The following NEFH variants were observed in gnomAD, a reference collection of about 807,000 sequenced individuals.
The protein encoded by NEFH is neurofilament heavy polypeptide.
In NEFH, 58 loss-of-function variants were observed where a neutral mutation model predicts 56.6. The ratio of observed to expected loss-of-function variants is 1.03; its 90% confidence interval spans 0.83 to 1.28. The LOEUF (loss-of-function observed/expected upper bound fraction) is 1.28, where lower values mean the gene tolerates loss of function less well. Among genes scored for constraint, NEFH ranks in the 50% most tolerant of loss-of-function variants. The pLI, the probability that NEFH is intolerant of heterozygous loss-of-function variation, is 0.00. For synonymous variants in NEFH, 542 were observed against 545.8 expected (o/e 0.99, Z 0.10); for missense variants, 1,221 against 1,307.6 (o/e 0.93, Z 1.02).
Position 29,481,019 on chromosome 22 carries a change from G to C in NEFH, c.757G>C (p.Ala253Pro), listed in dbSNP as rs1416951453. 6.5e-7 allele frequency: 1 copy of C among 1,531,792 alleles called. No individual in the cohort carries two copies. Among genetic ancestry groups the C allele is most frequent in the Non-Finnish European group, 8.7e-7 (1 of 1,145,472 alleles). 94.9% of individuals were successfully genotyped at this position (1,531,792 alleles called of 1,614,324 possible). Residue 253 changes from alanine to proline, a missense_variant, in exon 1 of 4, where the codon GCG (alanine) becomes CCG (proline). By Grantham distance (27) the Ala-to-Pro change is conservative. Coordinates refer to ENST00000310624, the MANE Select transcript of NEFH (RefSeq NM_021076.4). ...GATCCAGGGCTCCGGCGCCGCGCAG[G>C]CGCAGATGCAGGCCGAGACGCGCGA... ...GQIQGSGAAQ[A>P]QMQAETRDAL...
chr22:29,484,006 C>T (rs997037718), intron 2 of NEFH, among the ~76,000 whole-genome samples: 3 of 151,954 alleles, frequency 2.0e-5, no homozygotes, highest in Non-Finnish European at 2.9e-5. Flanking sequence ...CATGCCACCA[C>T]ACCTGGCTAA....
rs760693353 is a variant in NEFH at position 29,490,509 on chromosome 22, A to G, written c.2869A>G (p.Thr957Ala). ...KKEAAPEKKDTKEEKAKKPEE... is the reference protein window; with the variant it reads ...KKEAAPEKKDAKEEKAKKPEE... The stretch of plus-strand genomic sequence containing the variant: ...GGAGGCAGCACCGGAGAAAAAAGAC[A>G]CCAAGGAGGAGAAGGCCAAGAAGCC... Residue 957 changes from threonine to alanine, a missense_variant, in exon 4 of 4, where the codon ACC becomes GCC. Transcript: ENST00000310624. 6.3e-7 allele frequency: 1 copy of G among 1,592,098 alleles called. No individual in the cohort carries two copies. The highest frequency in any genetic ancestry group is 8.5e-7 in the Non-Finnish European group (1 of 1,174,012).
Position 29,489,449 on chromosome 22 carries a change from G to T in NEFH, c.1809G>T (p.Lys603Asn), listed in dbSNP as rs1308321074. 6.3e-7 allele frequency: 1 copy of T among 1,586,142 alleles called. No homozygotes were observed. The highest frequency in any genetic ancestry group is 1.1e-5 in the South Asian group (1 of 89,394). The change falls in exon 4 of 4, where the codon AAG (lysine) becomes AAT (asparagine). Residue 603 changes from lysine to asparagine, a missense_variant. Physicochemically the swap from Lys to Asn is moderately conservative, Grantham distance 94. Around this residue, in one of 4 missense-constraint regions of NEFH, gnomAD observed 243 missense variants for 299.1 expected, o/e 0.81. Coordinates refer to ENST00000310624, the MANE Select transcript of NEFH (RefSeq NM_021076.4). Reference protein sequence around the residue: ...KSPAEAKSPEKAKSPVKEEAK... With the variant: ...KSPAEAKSPENAKSPVKEEAK... The stretch of plus-strand genomic sequence containing the variant: ...CGGCTGAGGCCAAGTCTCCAGAGAA[G>T]GCCAAGTCCCCAGTGAAGGAAGAAG...
Position 29,480,765 on chromosome 22 carries a change from G to T in NEFH, c.503G>T (p.Arg168Leu), listed in dbSNP as rs1009899708. 8.5e-5 allele frequency: 123 copies of T among 1,445,252 alleles called. No individual in the cohort carries two copies. Among genetic ancestry groups the T allele is most frequent in the Non-Finnish European group, 1.1e-4 (118 of 1,110,884 alleles). The allele number at this position is 1,445,252 out of a possible 1,614,324, so 89.5% of individuals were successfully genotyped here. A position where few individuals can be genotyped will look rare whatever the true frequency, so the allele number is the denominator to read the frequency against. The change falls in exon 1 of 4, where the codon CGC becomes CTC. Residue 168 changes from arginine (R) to leucine (L), a missense_variant. Physicochemically the swap from Arg to Leu is moderately radical, Grantham distance 102 (BLOSUM62 -2). Coordinates refer to ENST00000310624, the MANE Select transcript of NEFH (RefSeq NM_021076.4). ...LRLGAARGQL[R>L]LEQEHLLEDI... ...CTGGGCGCGGCGCGCGGTCAGCTACGCCTGGAGCAGGAGCACCTGCTCGAG... is the reference window on the plus strand; with the variant it reads ...CTGGGCGCGGCGCGCGGTCAGCTACTCCTGGAGCAGGAGCACCTGCTCGAG...
At position 29,481,163 on chromosome 22, in the gene NEFH, TG is replaced by T. The variant is rs1282662345; in HGVS notation, c.883+24del. 14 of 1,038,698 alleles carry T rather than the reference TG, an allele frequency of 1.3e-5. No homozygotes were observed. Among genetic ancestry groups the T allele is most frequent in the African/African-American group, 6.1e-5 (3 of 49,536 alleles). The allele number at this position is 1,038,698 out of a possible 1,614,324, so 64.3% of individuals were successfully genotyped here. A position where few individuals can be genotyped will look rare whatever the true frequency, so the allele number is the denominator to read the frequency against. Reference sequence around the variant, plus strand: ...GTTCCGAGGTACGCAGGCGCGCGGGTGGGGGGAGGGGCGCCCCTGCTGACCC... The same window carrying T: ...GTTCCGAGGTACGCAGGCGCGCGGGTGGGGGAGGGGCGCCCCTGCTGACCC... On this transcript the variant is annotated intron_variant, in intron 1 of 3. Transcript: ENST00000310624.
At chr22:29,481,783 C>T (rs1048269782) in intron 1 of NEFH, among the ~76,000 whole-genome samples, 2 of 152,172 alleles carry the variant, frequency 1.3e-5, no homozygotes, top group African/African-American at 4.8e-5. Context: ...TTAATGTCCC[C>T]TTTCTCCTTT....
Position 29,480,776 on chromosome 22 carries a change from G to C in NEFH, c.514G>C (p.Glu172Gln). 4.9e-6 allele frequency: 7 copies of C among 1,436,944 alleles called. No homozygotes were observed. Among genetic ancestry groups the C allele is most frequent in the Non-Finnish European group, 6.3e-6 (7 of 1,106,572 alleles). 89.0% of individuals were successfully genotyped at this position (1,436,944 alleles called of 1,614,324 possible). The change falls in exon 1 of 4, where the codon GAG becomes CAG. Residue 172 changes from glutamate (E) to glutamine (Q), a missense_variant. Physicochemically the swap from Glu to Gln is conservative, Grantham distance 29. Transcript: ENST00000310624. ...GCGCGGTCAGCTACGCCTGGAGCAG[G>C]AGCACCTGCTCGAGGACATCGCGCA... ...AARGQLRLEQEHLLEDIAHVR... is the reference protein window; with the variant it reads ...AARGQLRLEQQHLLEDIAHVR...
chr22:29,480,229 C>A lies in NEFH; in HGVS notation c.-34C>A. On this transcript the variant is annotated 5_prime_UTR_variant, in exon 1 of 4. Coordinates refer to ENST00000310624, the MANE Select transcript of NEFH (RefSeq NM_021076.4). ...GCCCTGGTGCTGCCGCAGTGCCTCC[C>A]GCCCCGTCCCGGCCTCGCGCACCTG... The A allele has an allele frequency of 6.7e-7, 1 of 1,492,672 alleles. No homozygotes were observed. Among genetic ancestry groups the A allele is most frequent in the Non-Finnish European group, 8.8e-7 (1 of 1,130,468 alleles). The allele number at this position is 1,492,672 out of a possible 1,614,324, so 92.5% of individuals were successfully genotyped here.
At position 29,489,136 on chromosome 22, in the gene NEFH, A is replaced by G. The variant is rs774076611; in HGVS notation, c.1496A>G (p.Glu499Gly). 2.5e-6 allele frequency: 4 copies of G among 1,612,244 alleles called. No individual in the cohort carries two copies. ...GEEEEAEGGE[E>G]ETKSPPAEEA... ...GAAGAGGAGGCAGAAGGGGGAGAAG[A>G]AGAAACAAAGTCTCCCCCAGCAGAA... is the stretch of plus-strand genomic sequence containing the variant. The change falls in exon 4 of 4, where the codon GAA becomes GGA. Residue 499 changes from glutamate to glycine, a missense_variant. Coordinates refer to ENST00000310624, the MANE Select transcript of NEFH (RefSeq NM_021076.4).
At position 29,481,159 on chromosome 22, in the gene NEFH, C is replaced by T; in HGVS notation, c.883+14C>T. 3 of 1,362,324 alleles carry T rather than the reference C, an allele frequency of 2.2e-6. No homozygotes were observed. The highest frequency in any genetic ancestry group is 1.8e-5 in the South Asian group (1 of 55,582). The allele number at this position is 1,362,324 out of a possible 1,614,324, so 84.4% of individuals were successfully genotyped here. A position where few individuals can be genotyped will look rare whatever the true frequency, so the allele number is the denominator to read the frequency against. On this transcript the variant is annotated intron_variant, in intron 1 of 3. Transcript: ENST00000310624. ...AGTGGTTCCGAGGTACGCAGGCGCG[C>T]GGGTGGGGGGAGGGGCGCCCCTGCT...
In NEFH at chr22:29,481,158, G is replaced by C; in HGVS notation, c.883+13G>C. On this transcript the variant is annotated intron_variant, in intron 1 of 3. Transcript: ENST00000310624. Reference sequence around the variant, plus strand: ...GAGTGGTTCCGAGGTACGCAGGCGCGCGGGTGGGGGGAGGGGCGCCCCTGC... The same window carrying C: ...GAGTGGTTCCGAGGTACGCAGGCGCCCGGGTGGGGGGAGGGGCGCCCCTGC... 3 of 1,530,586 alleles carry C rather than the reference G, an allele frequency of 2.0e-6. No homozygotes were observed. Among genetic ancestry groups the C allele is most frequent in the Non-Finnish European group, 2.6e-6 (3 of 1,144,662 alleles). 94.8% of individuals were successfully genotyped at this position (1,530,586 alleles called of 1,614,324 possible). A position where few individuals can be genotyped will look rare whatever the true frequency, so the allele number is the denominator to read the frequency against.
At chr22:29,488,425 C>T (rs2063056294) in intron 3 of NEFH, among the ~76,000 whole-genome samples, 1 of 152,080 alleles carries the variant, frequency 6.6e-6, no homozygotes, top group Admixed American at 6.6e-5. Context: ...CTCAGGCTCC[C>T]AGGGTTCTCT....
Position 29,490,551 on chromosome 22 carries a change from A to G in NEFH, c.2911A>G (p.Thr971Ala), listed in dbSNP as rs1297983440. Residue 971 changes from threonine (T) to alanine (A), a missense_variant, in exon 4 of 4, where the codon ACA (threonine) becomes GCA (alanine). Thr to Ala is a moderately conservative substitution (Grantham distance 58). Around this residue, in one of 4 missense-constraint regions of NEFH, gnomAD observed 301 missense variants for 346.6 expected, o/e 0.87. Transcript: ENST00000310624. ...CAAGAAGCCTGAGGAGAAACCCAAG[A>G]CAGAGGCCAAAGCCAAGGAAGATGA... ...KAKKPEEKPK[T>A]EAKAKEDDKT... The G allele has an allele frequency of 6.2e-7, 1 of 1,612,654 alleles. No homozygotes were observed. Among genetic ancestry groups the G allele is most frequent in the Non-Finnish European group, 8.5e-7 (1 of 1,179,702 alleles).
At chr22:29,484,712 C>T (rs2063033919) in intron 2 of NEFH, among the ~76,000 whole-genome samples, 1 of 152,086 alleles carries the variant, frequency 6.6e-6, no homozygotes, top group Admixed American at 6.6e-5. Flanking sequence ...GCCTACAGTC[C>T]TAGCTACTCA....
intron 2 of NEFH, 73 bp from the exon 3 acceptor site, chr22:29,485,650 C>A: frequency 5.1e-6 from 8 of 1,559,262 alleles, no homozygotes; most frequent in Non-Finnish European, 6.9e-6. Flanking sequence ...GGTCGCACAG[C>A]CCGCCGCAGC....
intron 3 of NEFH, among the ~76,000 whole-genome samples, chr22:29,486,984 C>T (rs165899): frequency 0.12 from 18,432 of 152,220 alleles, 1,524 homozygotes; most frequent in South Asian, 0.17. Flanking sequence ...TTTCTTAGCT[C>T]TGCAAGCATT....
rs959771275 is a variant in NEFH, at chr22:29,481,243, G to A, written c.883+98G>A. On this transcript the variant is annotated intron_variant, in intron 1 of 3. Coordinates refer to ENST00000310624, the MANE Select transcript of NEFH (RefSeq NM_021076.4). ...AAGGGGGCGCTGCCGGACTGCGCGT[G>A]GAGTGGCGCGCTGCTCACCTTCCCT... The A allele has an allele frequency of 1.2e-5, 14 of 1,200,364 alleles. No individual in the cohort carries two copies. The African/African-American group carries it at 1.8e-4, about 16-fold the overall frequency. The allele number at this position is 1,200,364 out of a possible 1,614,324, so 74.4% of individuals were successfully genotyped here.
At position 29,483,376 on chromosome 22, in the gene NEFH, G is replaced by T. The variant is rs779536083; in HGVS notation, c.885G>T (p.Val295=). 1 of 1,613,792 alleles carries T rather than the reference G, an allele frequency of 6.2e-7. No homozygotes were observed. The part of the protein sequence containing the change: ...STLQSEEWFR[V]RLDRLSEAAK... ...GTGCCCTGCTACCTTCTCCCCCAGT[G>T]AGGCTGGACCGACTGTCGGAGGCAG... The change falls in exon 2 of 4, where the codon GTG becomes GTT. Residue 295 remains valine (V), a splice_region_variant and synonymous_variant. Coordinates refer to ENST00000310624, the MANE Select transcript of NEFH (RefSeq NM_021076.4).
At chr22:29,481,674 G>A (rs2063011621) in intron 1 of NEFH, among the ~76,000 whole-genome samples, 1 of 152,206 alleles carries the variant, frequency 6.6e-6, no homozygotes, top group Non-Finnish European at 1.5e-5. Context: ...CCACGTGGGG[G>A]TGGGTCAGGA....
Sources: gnomAD v4.1 joint callset for allele counts (sites outside exome capture counted in the v4.1 genomes callset) on GRCh38, gnomAD v4.1.1 for gene constraint, gnomAD v4.1.1 regional missense constraint, MANE v1.5 for transcripts, NCBI Gene and HGNC (gene_info 2026-07-23, HGNC 2026-07-21) for gene names.